The following PAPSS2 variants were observed in gnomAD, a reference collection of about 807,000 sequenced individuals.
PAPSS2 encodes bifunctional 3'-phosphoadenosine 5'-phosphosulfate synthase 2.
PAPSS2 carries 61 observed loss-of-function variants against 66.5 expected under a neutral mutation model. That is an observed-to-expected ratio of 0.92 (90% CI 0.75 to 1.14). The LOEUF (loss-of-function observed/expected upper bound fraction) is 1.14. PAPSS2 is among the 50% of genes most tolerant of loss of function. The probability of loss-of-function intolerance (pLI) is 0.00; values close to 1 mark genes in which losing one functional copy is unlikely to be tolerated. For synonymous variants in PAPSS2, 289 were observed against 287.5 expected (o/e 1.01, Z -0.05); for missense variants, 708 against 789.6 (o/e 0.90, Z 1.24).
In PAPSS2 at chr10:87,741,327, G is replaced by A. The variant is rs780700938; in HGVS notation, c.1179G>A (p.Leu393=). ...ATGATGGGCTGGACCAATACCGTCT[G>A]ACACCTCTGGAGCTCAAACAGAAAT... ...RWNDGLDQYR[L]TPLELKQKCK... is the part of the protein sequence containing the mutation. The change falls in exon 10 of 13, where the codon CTG becomes CTA. Residue 393 remains leucine (L), a synonymous_variant. Transcript: ENST00000456849. The A allele has an allele frequency of 1.9e-6, 3 of 1,613,824 alleles. No individual in the cohort carries two copies. The highest frequency in any genetic ancestry group is 2.5e-6 in the Non-Finnish European group (3 of 1,179,718).
chr10:87,670,458 C>T (rs1197139220), intron 1 of PAPSS2, among the ~76,000 whole-genome samples: 4 of 152,162 alleles, frequency 2.6e-5, no homozygotes, highest in Non-Finnish European at 5.9e-5. Context: ...TTGTCTCCTT[C>T]TAACACATAG....
chr10:87,713,467 A>C (rs561776199), intron 3 of PAPSS2, among the ~76,000 whole-genome samples, 157 bp downstream of exon 3: 61 of 152,114 alleles, frequency 4.0e-4, no homozygotes, highest in Middle Eastern at 6.8e-3. Context: ...AGGCTCTCTC[A>C]TTTCCTCTAT....
chr10:87,715,202 A>C, intron 6 of PAPSS2, 104 bp downstream of exon 6: 1 of 721,882 alleles, frequency 1.4e-6, no homozygotes, highest in East Asian at 2.7e-5. Context: ...AGGTGCACAT[A>C]ATGTCCATAA....
intron 8 of PAPSS2, 98 bp from the exon 9 acceptor site, chr10:87,727,186 G>A (rs561160067): frequency 1.2e-3 from 1,266 of 1,031,732 alleles, no homozygotes; most frequent in Non-Finnish European, 1.7e-3. Flanking sequence ...GCTTCTTGAA[G>A]GAAATGTTTG....
intron 1 of PAPSS2, among the ~76,000 whole-genome samples, chr10:87,663,105 A>AAT (rs1852772875): frequency 1.1e-5 from 1 of 94,436 alleles, no homozygotes. Context: ...AGAAGTAGCC[A>AAT]CTTTTTTTTT....
intron 9 of PAPSS2, among the ~76,000 whole-genome samples, chr10:87,733,862 CCTAT>C (rs757030443): frequency 1.3e-5 from 2 of 151,554 alleles, no homozygotes; most frequent in Non-Finnish European, 2.9e-5. Flanking sequence ...TACTATGTCT[CCTAT>C]CTTAGTGACA....
Position 87,713,244 on chromosome 10 carries a change from G to A in PAPSS2, c.315G>A (p.Glu105=). ...AGGAAAATATCCGCCGGATTGCTGAGGTGGCTAAGCTGTTTGCTGATGCTG... is the reference window on the plus strand; with the variant it reads ...AGGAAAATATCCGCCGGATTGCTGAAGTGGCTAAGCTGTTTGCTGATGCTG... ...DREENIRRIA[E]VAKLFADAGL... is the part of the protein sequence containing the mutation. Residue 105 remains glutamate, a synonymous_variant, in exon 3 of 13, where the codon GAG becomes GAA. Transcript: ENST00000456849. The A allele has an allele frequency of 6.2e-7, 1 of 1,603,748 alleles. No homozygotes were observed.
At chr10:87,692,804 T>C (rs1853187346) in intron 1 of PAPSS2, among the ~76,000 whole-genome samples, 2 of 152,178 alleles carry the variant, frequency 1.3e-5, no homozygotes, top group South Asian at 4.1e-4. Flanking sequence ...ATAAGCCATT[T>C]TATAGGGAGG....
At chr10:87,685,063 G>T (rs1016359378) in intron 1 of PAPSS2, among the ~76,000 whole-genome samples, 1 of 152,136 alleles carries the variant, frequency 6.6e-6, no homozygotes, top group Non-Finnish European at 1.5e-5. Flanking sequence ...TCTGAGCTTA[G>T]GGTAGGGCTA....
chr10:87,706,110 G>A (rs12244835), intron 1 of PAPSS2, among the ~76,000 whole-genome samples: 5,731 of 61,350 alleles, frequency 0.093, 240 homozygotes, highest in African/African-American at 0.12. Context: ...ATATATATAT[G>A]TGTGTGTGTG....
chr10:87,706,762 C>T (rs1020157282), intron 1 of PAPSS2, among the ~76,000 whole-genome samples: 1 of 151,664 alleles, frequency 6.6e-6, no homozygotes, highest in Non-Finnish European at 1.5e-5. Context: ...CTGTCTCAAA[C>T]AACAACAACA....
At chr10:87,661,384 A>C (rs1564705285) in intron 1 of PAPSS2, among the ~76,000 whole-genome samples, 1 of 152,182 alleles carries the variant, frequency 6.6e-6, no homozygotes, top group Non-Finnish European at 1.5e-5. Context: ...GCGTTGTAAC[A>C]TATTTTTGAA....
rs1482013761 is a variant in PAPSS2 at position 87,743,504 on chromosome 10, T to C, written c.1354T>C (p.Trp452Arg). ...PVLLLHPLGG[W>R]TKDDDVPLDW... The stretch of plus-strand genomic sequence containing the variant: ...CCTCCTACTACACCCTCTGGGCGGC[T>C]GGACCAAGGATGACGATGTGCCTCT... Residue 452 changes from tryptophan to arginine, a missense_variant, in exon 11 of 13, where the codon TGG (tryptophan) becomes CGG (arginine). Physicochemically the swap from Trp to Arg is moderately radical, Grantham distance 101 (BLOSUM62 -3). Coordinates refer to ENST00000456849, the MANE Select transcript of PAPSS2 (RefSeq NM_001015880.2). 3.7e-6 allele frequency: 6 copies of C among 1,614,136 alleles called. No individual in the cohort carries two copies. The highest frequency in any genetic ancestry group is 3.4e-6 in the Non-Finnish European group (4 of 1,180,014).
At chr10:87,718,319 C>T (rs964136722) in intron 7 of PAPSS2, among the ~76,000 whole-genome samples, 1 of 152,150 alleles carries the variant, frequency 6.6e-6, no homozygotes, top group South Asian at 2.1e-4. Context: ...GTGTGAGCCA[C>T]GGTACCCTGC....
At chr10:87,734,406 G>T (rs1442506681) in intron 9 of PAPSS2, among the ~76,000 whole-genome samples, 3 of 151,914 alleles carry the variant, frequency 2.0e-5, no homozygotes, top group Non-Finnish European at 4.4e-5. Context: ...CCTGTGACAG[G>T]TGAAGCTGAA....
intron 1 of PAPSS2, among the ~76,000 whole-genome samples, chr10:87,670,768 G>A (rs61853128): frequency 1.7e-3 from 265 of 152,242 alleles, no homozygotes; most frequent in Admixed American, 3.9e-3. Flanking sequence ...TCTGTCTAAA[G>A]GATGTGTTGT....
At chr10:87,733,788 C>A (rs1021433753) in intron 9 of PAPSS2, among the ~76,000 whole-genome samples, 2 of 152,130 alleles carry the variant, frequency 1.3e-5, no homozygotes, top group Non-Finnish European at 2.9e-5. Context: ...AGGGCCCCAC[C>A]TGCATATATC....
chr10:87,704,616 A>G (rs913530043), intron 1 of PAPSS2, among the ~76,000 whole-genome samples: 1 of 151,876 alleles, frequency 6.6e-6, no homozygotes, highest in South Asian at 2.1e-4. Context: ...CTTATTGTAT[A>G]TTTTCTCATC....
intron 1 of PAPSS2, among the ~76,000 whole-genome samples, chr10:87,696,211 C>A (rs138377442): frequency 2.5e-3 from 377 of 152,284 alleles, no homozygotes; most frequent in African/African-American, 8.6e-3. Flanking sequence ...TTTTACCCTG[C>A]AATATTCTCT....
Sources: allele counts gnomAD v4.1 joint callset (sites outside exome capture counted in the v4.1 genomes callset), GRCh38; gene constraint gnomAD v4.1.1; transcripts MANE v1.5; gene names NCBI Gene and HGNC (gene_info 2026-07-23, HGNC 2026-07-21).